Variants in IL18R1 observed in about 807,000 individuals in gnomAD.
IL18R1 encodes the protein interleukin-18 receptor 1.
A neutral mutation model predicts 48.5 loss-of-function variants in IL18R1; 40 were observed. The ratio of observed to expected loss-of-function variants is 0.82; its 90% CI spans 0.64 to 1.07. IL18R1 has a LOEUF of 1.07. Among genes scored for constraint, IL18R1 ranks in the 50% least tolerant of loss-of-function variants. The probability of loss-of-function intolerance (pLI) is 0.00; values close to 1 mark genes in which losing one functional copy is unlikely to be tolerated. For missense variants in IL18R1, 596 were observed against 633.7 expected (o/e 0.94, Z 0.64); for synonymous variants, 232 against 225.9 (o/e 1.03, Z -0.24).
intron 1 of IL18R1, among the ~76,000 whole-genome samples, chr2:102,360,209 A>G (rs1472656406): frequency 6.6e-6 from 1 of 152,238 alleles, no homozygotes; most frequent in Non-Finnish European, 1.5e-5. Flanking sequence ...TTTGTGACAC[A>G]GGAAAAATGC....
chr2:102,370,477 A>C (rs1019934622), intron 3 of IL18R1, among the ~76,000 whole-genome samples: 1 of 152,238 alleles, frequency 6.6e-6, no homozygotes, highest in African/African-American at 2.4e-5. Context: ...TTCAAGAGCC[A>C]GGTAGCTCTA....
intron 9 of IL18R1, among the ~76,000 whole-genome samples, chr2:102,393,170 G>C (rs1231905015): frequency 1.3e-5 from 2 of 152,140 alleles, no homozygotes; most frequent in Non-Finnish European, 2.9e-5. Flanking sequence ...GTTGATGCCT[G>C]TTTTGTCACT....
At chr2:102,370,164 T>A (rs1178536524) in intron 3 of IL18R1, among the ~76,000 whole-genome samples, 3 of 152,194 alleles carry the variant, frequency 2.0e-5, no homozygotes, top group African/African-American at 7.2e-5. Context: ...ACCCTAGCCT[T>A]GGAGCTCCTG....
chr2:102,371,242 C>T (rs1036930202), intron 3 of IL18R1, among the ~76,000 whole-genome samples: 2 of 152,122 alleles, frequency 1.3e-5, no homozygotes, highest in Non-Finnish European at 2.9e-5. Context: ...CCAGGCTGGT[C>T]TCAAACTCCT....
At chr2:102,361,728 C>T (rs1394276244) in intron 1 of IL18R1, among the ~76,000 whole-genome samples, 1 of 152,158 alleles carries the variant, frequency 6.6e-6, no homozygotes, top group Non-Finnish European at 1.5e-5. Context: ...AGGCTGTGCT[C>T]CCTGCACTCA....
At chr2:102,371,110 G>A (rs1180500962) in intron 3 of IL18R1, among the ~76,000 whole-genome samples, 1 of 151,388 alleles carries the variant, frequency 6.6e-6, no homozygotes, top group African/African-American at 2.4e-5. Context: ...AGGCTGGAGT[G>A]CAATGGCGCG....
rs1678231479 is a variant in IL18R1 at position 102,356,105 on chromosome 2, GGGCA to G, written c.-322_-319del. On this transcript the variant is annotated 5_prime_UTR_variant, in exon 1 of 11. Coordinates refer to ENST00000233957, the MANE Select transcript of IL18R1 (RefSeq NM_003855.5). ...CGGACCCGGAGCTTCGCCCGACCGCGGGCAGTGCCCACCTGCAGCCTCCACCGGC... is the reference window on the plus strand; with the variant it reads ...CGGACCCGGAGCTTCGCCCGACCGCGGTGCCCACCTGCAGCCTCCACCGGC... The G allele has an allele frequency of 6.5e-6, 1 of 153,704 alleles. No individual in the cohort carries two copies. The highest frequency in any genetic ancestry group is 2.1e-4 in the South Asian group (1 of 4,866). The allele number at this position is 153,704 out of a possible 1,614,324, so 9.5% of individuals were successfully genotyped here.
intron 1 of IL18R1, among the ~76,000 whole-genome samples, chr2:102,358,267 G>A (rs1158819228): frequency 6.6e-6 from 1 of 152,170 alleles, no homozygotes; most frequent in Non-Finnish European, 1.5e-5. Context: ...TTCTCAGGGT[G>A]GGACCCATAA....
At position 102,372,052 on chromosome 2, in the gene IL18R1, A is replaced by C; in HGVS notation, c.402A>C (p.Lys134Asn). ...QVTSKIVEVK[K>N]FFQITCENSY... ...CTAGTAAAATTGTGGAAGTTAAAAA[A>C]TTTTTTCAGATAACCTGTGAAAACA... Residue 134 changes from lysine (K) to asparagine (N), a missense_variant, in exon 4 of 11, where the codon AAA (lysine) becomes AAC (asparagine). By Grantham distance (94) the Lys-to-Asn change is moderately conservative (BLOSUM62 0). This residue lies in a region of IL18R1 where 360 missense variants were observed against 339.4 expected (regional missense o/e 1.06). Coordinates refer to ENST00000233957, the MANE Select transcript of IL18R1 (RefSeq NM_003855.5). The C allele has an allele frequency of 6.2e-7, 1 of 1,609,590 alleles. No homozygotes were observed. The highest frequency in any genetic ancestry group is 8.5e-7 in the Non-Finnish European group (1 of 1,178,204).
intron 7 of IL18R1, 43 bp downstream of exon 7, chr2:102,385,041 C>A (rs2105105247): frequency 9.3e-7 from 1 of 1,071,938 alleles, no homozygotes; most frequent in Non-Finnish European, 1.4e-6. Context: ...TACCATATAA[C>A]AATCATATAT....
rs529910058 is a variant in IL18R1, at chr2:102,396,503, A to G, written c.1271-28A>G. 478 of 1,351,270 alleles carry G rather than the reference A, an allele frequency of 3.5e-4. No homozygotes were observed. The highest frequency in any genetic ancestry group is 4.8e-4 in the Non-Finnish European group (468 of 972,788). 83.7% of individuals were successfully genotyped at this position (1,351,270 alleles called of 1,614,324 possible). ...ATGTTCCCCCTTTCAGTTATCTTAA[A>G]TTAATAGGGGTTATCTTGCATTTTC... On this transcript the variant is annotated intron_variant, in intron 10 of 10. Transcript: ENST00000233957.
At chr2:102,368,504 C>G (rs1051801485) in intron 3 of IL18R1, among the ~76,000 whole-genome samples, 11 of 152,126 alleles carry the variant, frequency 7.2e-5, no homozygotes, top group African/African-American at 2.4e-5. Flanking sequence ...CAGAAACACC[C>G]TAGTCCAGTC....
chr2:102,390,348 A>G (rs778945671), intron 9 of IL18R1, 131 bp downstream of exon 9: 186 of 828,654 alleles, frequency 2.2e-4, no homozygotes, highest in Non-Finnish European at 2.9e-4. Context: ...TATGGGAAAT[A>G]TTGTTCTGCC....
At chr2:102,381,289 C>T (rs977303575) in intron 5 of IL18R1, among the ~76,000 whole-genome samples, 3 of 152,176 alleles carry the variant, frequency 2.0e-5, no homozygotes, top group East Asian at 3.9e-4. Flanking sequence ...TGGAGAGAAT[C>T]GAGACAGGGC....
intron 8 of IL18R1, among the ~76,000 whole-genome samples, chr2:102,389,592 G>C (rs188119116): frequency 6.6e-6 from 1 of 152,266 alleles, no homozygotes; most frequent in African/African-American, 2.4e-5. Flanking sequence ...AGGTACCAAG[G>C]TTTAAGGGCA....
chr2:102,360,547 G>C (rs1277378439), intron 1 of IL18R1, among the ~76,000 whole-genome samples: 3 of 152,180 alleles, frequency 2.0e-5, no homozygotes, highest in African/African-American at 4.8e-5. Flanking sequence ...ACAGGCATGA[G>C]CCACTGTGCC....
intron 5 of IL18R1, 77 bp downstream of exon 5, chr2:102,376,140 T>C: frequency 7.9e-7 from 1 of 1,266,476 alleles, no homozygotes; most frequent in South Asian, 1.7e-5. Flanking sequence ...CAAAACTGTG[T>C]AGGAATTGAG....
chr2:102,378,964 G>A (rs947593842), intron 5 of IL18R1, among the ~76,000 whole-genome samples: 1 of 152,186 alleles, frequency 6.6e-6, no homozygotes, highest in African/African-American at 2.4e-5. Flanking sequence ...TCCATGTTGT[G>A]TCTTTATTAC....
rs1362148122 is a variant in IL18R1, at chr2:102,398,701, A to C, written c.*1815A>C. On this transcript the variant is annotated 3_prime_UTR_variant, in exon 11 of 11. Transcript: ENST00000233957. ...TTTTGCATTAAATGCATTTCAAGTTAAATGTCTTAAATGTATACATTAGAT... is the reference window on the plus strand; with the variant it reads ...TTTTGCATTAAATGCATTTCAAGTTCAATGTCTTAAATGTATACATTAGAT... 4 of 152,404 alleles carry C rather than the reference A, an allele frequency of 2.6e-5. No homozygotes were observed. Among genetic ancestry groups the C allele is most frequent in the African/African-American group, 9.6e-5 (4 of 41,480 alleles). 9.4% of individuals were successfully genotyped at this position (152,404 alleles called of 1,614,324 possible).
Sources: allele counts gnomAD v4.1 joint callset (sites outside exome capture counted in the v4.1 genomes callset), GRCh38; gene constraint gnomAD v4.1.1; regional missense constraint gnomAD v4.1.1; transcripts MANE v1.5; gene names NCBI Gene and HGNC (gene_info 2026-07-23, HGNC 2026-07-21).